ALPK2: variants seen among roughly 807,000 people sequenced by gnomAD.
ALPK2 encodes alpha-protein kinase 2.
A neutral mutation model predicts 163.1 loss-of-function variants in ALPK2; 127 were observed. The observed-to-expected ratio is 0.78, with a 90% confidence interval of 0.67 to 0.90. ALPK2 has a LOEUF of 0.90. Ranked by LOEUF, ALPK2 falls within the 40% of genes least tolerant of loss-of-function variation. The pLI, the probability that ALPK2 is intolerant of heterozygous loss-of-function variation, is 0.00. For missense variants in ALPK2, 2,360 were observed against 2,589.6 expected (o/e 0.91, Z 1.92); for synonymous variants, 953 against 959.1 (o/e 0.99, Z 0.12).
At chr18:58,608,957 C>CAAA (rs1003841164) in intron 2 of ALPK2, among the ~76,000 whole-genome samples, 7 of 117,066 alleles carry the variant, frequency 6.0e-5, no homozygotes, top group Non-Finnish European at 1.1e-4. Context: ...GACCTTGTCT[C>CAAA]AAAAAAAAAA....
rs773465818 is a variant in ALPK2 at position 58,535,109 on chromosome 18, G to A, written c.5078C>T (p.Ala1693Val). The change falls in exon 5 of 13, where the codon GCC (alanine) becomes GTC (valine). Residue 1693 changes from alanine to valine, a missense_variant. Physicochemically the swap from Ala to Val is moderately conservative, Grantham distance 64 (BLOSUM62 0). Transcript: ENST00000361673. The part of the protein sequence containing the change: ...KSREREKSLE[A>V]RAGKSPGTLT... ...GGTCCCTGGCGATTTGCCTGCTCGGGCTTCCAGGGACTTCTCTCTCTCCCT... is the reference window on the plus strand; with the variant it reads ...GGTCCCTGGCGATTTGCCTGCTCGGACTTCCAGGGACTTCTCTCTCTCCCT... The A allele has an allele frequency of 1.9e-6, 3 of 1,613,938 alleles. No homozygotes were observed. Among genetic ancestry groups the A allele is most frequent in the Non-Finnish European group, 1.7e-6 (2 of 1,180,024 alleles).
At chr18:58,528,423 G>C (rs995554493) in intron 6 of ALPK2, among the ~76,000 whole-genome samples, 11 of 151,980 alleles carry the variant, frequency 7.2e-5, no homozygotes, top group Non-Finnish European at 1.5e-4. Flanking sequence ...GTAATCCTAG[G>C]TACTCGGGAG....
At chr18:58,503,696 C>T (rs1292811870) in intron 11 of ALPK2, among the ~76,000 whole-genome samples, 2 of 151,958 alleles carry the variant, frequency 1.3e-5, no homozygotes, top group East Asian at 1.9e-4. Flanking sequence ...GAGACCCTGT[C>T]CCCCCCTAGA....
At chr18:58,557,709 TTGTC>T (rs1409781148) in intron 4 of ALPK2, among the ~76,000 whole-genome samples, 3 of 37,038 alleles carry the variant, frequency 8.1e-5, no homozygotes, top group African/African-American at 3.9e-4. Context: ...TATTTATATT[TTGTC>T]ATTGGATTGT....
chr18:58,573,568 C>T (rs1485034473), intron 4 of ALPK2, among the ~76,000 whole-genome samples: 1 of 140,244 alleles, frequency 7.1e-6, no homozygotes, highest in African/African-American at 2.6e-5. Context: ...TTAATTGGAA[C>T]TCTGCCAACA....
intron 10 of ALPK2, among the ~76,000 whole-genome samples, chr18:58,505,130 C>T (rs2144114284): frequency 6.6e-6 from 1 of 152,082 alleles, no homozygotes; most frequent in South Asian, 2.1e-4. Context: ...TTCTGCATGA[C>T]AAAGATCACT....
rs771289807 is a variant in ALPK2 at position 58,537,833 on chromosome 18, G to A, written c.2354C>T (p.Ala785Val). The change falls in exon 5 of 13, where the codon GCC (alanine) becomes GTC (valine). Residue 785 changes from alanine to valine, a missense_variant. Ala to Val is a moderately conservative substitution (Grantham distance 64). Coordinates refer to ENST00000361673, the MANE Select transcript of ALPK2 (RefSeq NM_052947.4). ...ATCACACACATTTTCCAGGGTGAGGGCAGTATCTGTGGGTTCAGGGGAAGC... is the reference window on the plus strand; with the variant it reads ...ATCACACACATTTTCCAGGGTGAGGACAGTATCTGTGGGTTCAGGGGAAGC... ...SVASPEPTDT[A>V]LTLENVCDEP... 3 of 1,614,134 alleles carry A rather than the reference G, an allele frequency of 1.9e-6. No homozygotes were observed. In the Admixed American group the frequency reaches 5.0e-5, roughly 27 times the overall value.
chr18:58,619,715 T>G (rs2052188105), intron 1 of ALPK2, among the ~76,000 whole-genome samples: 1 of 151,962 alleles, frequency 6.6e-6, no homozygotes, highest in Non-Finnish European at 1.5e-5. Flanking sequence ...CAAGCTGCAC[T>G]TTTTGTTTTT....
chr18:58,489,924 T>C (rs1679172829), intron 12 of ALPK2, among the ~76,000 whole-genome samples: 1 of 149,984 alleles, frequency 6.7e-6, no homozygotes, highest in Admixed American at 6.6e-5. Flanking sequence ...CTACTAAAAA[T>C]ACAAAAATTA....
intron 2 of ALPK2, among the ~76,000 whole-genome samples, chr18:58,610,621 A>T (rs2052123283): frequency 6.6e-6 from 1 of 152,176 alleles, no homozygotes; most frequent in Non-Finnish European, 1.5e-5. Flanking sequence ...AGGCGTGCAG[A>T]GGAGAGACTA....
intron 3 of ALPK2, among the ~76,000 whole-genome samples, chr18:58,583,820 G>A (rs1356294710): frequency 1.3e-5 from 2 of 151,898 alleles, no homozygotes; most frequent in Non-Finnish European, 1.5e-5. Flanking sequence ...GAAATCCCAA[G>A]TAATTTTGAT....
intron 4 of ALPK2, among the ~76,000 whole-genome samples, chr18:58,569,688 A>G (rs140810697): frequency 9.8e-5 from 15 of 152,358 alleles, no homozygotes; most frequent in African/African-American, 3.6e-4. Flanking sequence ...CTGCAGGTCC[A>G]GGACAGTTAA....
In ALPK2 at chr18:58,535,115, A is replaced by G. The variant is rs935602301; in HGVS notation, c.5072T>C (p.Leu1691Pro). The G allele has an allele frequency of 1.2e-6, 2 of 1,614,056 alleles. No homozygotes were observed. The change falls in exon 5 of 13, where the codon CTG (leucine) becomes CCG (proline). Residue 1691 changes from leucine to proline, a missense_variant. Leu to Pro is a moderately conservative substitution (Grantham distance 98). Coordinates refer to ENST00000361673, the MANE Select transcript of ALPK2 (RefSeq NM_052947.4). ...AKKSREREKSLEARAGKSPGT... is the reference protein window; with the variant it reads ...AKKSREREKSPEARAGKSPGT... ...TGGCGATTTGCCTGCTCGGGCTTCC[A>G]GGGACTTCTCTCTCTCCCTGGACTT...
intron 4 of ALPK2, among the ~76,000 whole-genome samples, chr18:58,573,908 G>A (rs1281277150): frequency 6.6e-6 from 1 of 152,038 alleles, no homozygotes; most frequent in Non-Finnish European, 1.5e-5. Context: ...AACAAGGTGG[G>A]CAAAGGAATT....
At chr18:58,568,348 G>A (rs957946852) in intron 4 of ALPK2, among the ~76,000 whole-genome samples, 4 of 152,144 alleles carry the variant, frequency 2.6e-5, no homozygotes, top group Admixed American at 6.5e-5. Context: ...AAGGACTCCC[G>A]AATCCCCAAG....
intron 4 of ALPK2, among the ~76,000 whole-genome samples, chr18:58,562,662 A>T (rs2051830942): frequency 6.6e-6 from 1 of 152,244 alleles, no homozygotes; most frequent in Non-Finnish European, 1.5e-5. Context: ...GGGTGAATTT[A>T]TGTCTCAGCT....
intron 1 of ALPK2, among the ~76,000 whole-genome samples, chr18:58,622,273 G>A (rs2052206077): frequency 6.6e-6 from 1 of 152,110 alleles, no homozygotes; most frequent in African/African-American, 2.4e-5. Flanking sequence ...CTTGAGCCCG[G>A]GAGATGGAGG....
At chr18:58,608,010 T>C (rs893488178) in intron 2 of ALPK2, among the ~76,000 whole-genome samples, 2 of 152,214 alleles carry the variant, frequency 1.3e-5, no homozygotes, top group African/African-American at 4.8e-5. Flanking sequence ...CAACATTCCT[T>C]TATTAAATTG....
intron 12 of ALPK2, among the ~76,000 whole-genome samples, chr18:58,494,569 T>C (rs2144103534): frequency 6.9e-6 from 1 of 145,622 alleles, no homozygotes; most frequent in East Asian, 2.0e-4. Context: ...CATATGGGAA[T>C]TTTTTTTTTT....
Sources: allele counts gnomAD v4.1 joint callset (sites outside exome capture counted in the v4.1 genomes callset), GRCh38; gene constraint gnomAD v4.1.1; transcripts MANE v1.5; gene names NCBI Gene and HGNC (gene_info 2026-07-23, HGNC 2026-07-21).